Variants in HIP1 observed in about 807,000 individuals in gnomAD.
The protein encoded by HIP1 is huntingtin-interacting protein 1.
Under a neutral mutation model 147.6 loss-of-function variants are expected in HIP1, and 65 were observed. The observed-to-expected ratio is 0.44, with a 90% CI of 0.36 to 0.54. The LOEUF is 0.54. HIP1 is among the 20% of genes least tolerant of loss of function. The probability of loss-of-function intolerance (pLI) is 0.00; values close to 1 mark genes in which losing one functional copy is unlikely to be tolerated. For synonymous variants in HIP1, 479 were observed against 504.0 expected (o/e 0.95, Z 0.67); for missense variants, 1,061 against 1,299.6 (o/e 0.82, Z 2.82).
At chr7:75,727,422 A>T (rs529565056) in intron 1 of HIP1, among the ~76,000 whole-genome samples, 113 of 148,208 alleles carry the variant, frequency 7.6e-4, no homozygotes, top group African/African-American at 2.4e-3. Flanking sequence ...TTTTTTTTTT[A>T]AAGTTTTTTG....
At chr7:75,628,757 G>C (rs1449027715) in intron 1 of HIP1, among the ~76,000 whole-genome samples, 1 of 152,210 alleles carries the variant, frequency 6.6e-6, no homozygotes, top group African/African-American at 2.4e-5. Context: ...GGGATTGCAG[G>C]TATGAGCCAC....
At chr7:75,629,261 C>A (rs1798135615) in intron 1 of HIP1, among the ~76,000 whole-genome samples, 1 of 152,176 alleles carries the variant, frequency 6.6e-6, no homozygotes, top group South Asian at 2.1e-4. Context: ...AATAGCATAT[C>A]CACGTCTGAT....
At chr7:75,729,151 A>C (rs1484994551) in intron 1 of HIP1, among the ~76,000 whole-genome samples, 3 of 144,868 alleles carry the variant, frequency 2.1e-5, no homozygotes, top group Non-Finnish European at 4.5e-5. Context: ...TAAAAATAAG[A>C]AACTAGAACA....
intron 1 of HIP1, among the ~76,000 whole-genome samples, chr7:75,691,466 G>A (rs1800450200): frequency 6.7e-6 from 1 of 149,962 alleles, no homozygotes. Context: ...ACTCCAGCCT[G>A]GGTGACAGAG....
In HIP1 at chr7:75,562,176, G is replaced by A. The variant is rs782264327; in HGVS notation, c.1021-6C>T. 4.4e-6 allele frequency: 7 copies of A among 1,602,046 alleles called. No homozygotes were observed. In the East Asian group the frequency reaches 1.1e-4, roughly 26 times the overall value. On this transcript the variant is annotated splice_polypyrimidine_tract_variant and splice_region_variant and intron_variant, in intron 11 of 30. Coordinates refer to ENST00000336926, the MANE Select transcript of HIP1 (RefSeq NM_005338.7). ...AACTTGTTGTCAAATAAATTCTGTG[G>A]TTGACCAAAAAGGAGTGAGAATAAG...
At chr7:75,628,475 CTTTTTT>C (rs71098044) in intron 1 of HIP1, among the ~76,000 whole-genome samples, 31 of 132,598 alleles carry the variant, frequency 2.3e-4, no homozygotes, top group Admixed American at 3.9e-4. Context: ...TCCTGTACCT[CTTTTTT>C]TTTTTTTTTT....
chr7:75,665,522 A>G (rs1554514527), intron 1 of HIP1, among the ~76,000 whole-genome samples: 1 of 151,078 alleles, frequency 6.6e-6, no homozygotes, highest in East Asian at 1.9e-4. Context: ...TTCTCATACT[A>G]AAGCTTCTCA....
chr7:75,726,465 A>T (rs1554522349), intron 1 of HIP1, among the ~76,000 whole-genome samples: 3 of 151,734 alleles, frequency 2.0e-5, no homozygotes, highest in African/African-American at 7.3e-5. Flanking sequence ...TTGTATTCTT[A>T]ATAGAGACAA....
intron 29 of HIP1, among the ~76,000 whole-genome samples, chr7:75,541,622 G>A (rs1794319854): frequency 6.6e-6 from 1 of 151,772 alleles, no homozygotes; most frequent in South Asian, 2.1e-4. Flanking sequence ...CTTGAACCTG[G>A]GAGGTGGAGA....
intron 1 of HIP1, among the ~76,000 whole-genome samples, chr7:75,647,313 G>A (rs1461204171): frequency 3.4e-5 from 5 of 148,414 alleles, no homozygotes; most frequent in African/African-American, 7.5e-5. Context: ...CAGGAGAATC[G>A]CTTGAACCCA....
chr7:75,669,409 A>C (rs73142966), intron 1 of HIP1, among the ~76,000 whole-genome samples: 19,833 of 151,510 alleles, frequency 0.13, 1,368 homozygotes, highest in East Asian at 0.19. Context: ...AAAACAACAA[A>C]AAAATTAGCT....
intron 1 of HIP1, among the ~76,000 whole-genome samples, chr7:75,677,397 G>A (rs1461984800): frequency 1.3e-5 from 2 of 150,742 alleles, no homozygotes; most frequent in South Asian, 2.1e-4. Flanking sequence ...CCTGAGGTCA[G>A]GAGTTCGAAA....
chr7:75,597,604 G>A (rs587626738), intron 2 of HIP1, among the ~76,000 whole-genome samples: 22 of 152,196 alleles, frequency 1.4e-4, no homozygotes, highest in African/African-American at 4.8e-4. Flanking sequence ...GCTAGGGGTA[G>A]TGATACACAC....
At chr7:75,697,526 T>TC (rs1800678303) in intron 1 of HIP1, among the ~76,000 whole-genome samples, 1 of 152,198 alleles carries the variant, frequency 6.6e-6, no homozygotes, top group African/African-American at 2.4e-5. Flanking sequence ...TCATTCTCAT[T>TC]TATTCTTCCA....
intron 1 of HIP1, among the ~76,000 whole-genome samples, chr7:75,638,499 C>T (rs1798519214): frequency 6.6e-6 from 1 of 152,130 alleles, no homozygotes; most frequent in Non-Finnish European, 1.5e-5. Context: ...CACCTCAGGC[C>T]CACTGAAGCT....
chr7:75,536,273 T>C lies in HIP1; in HGVS notation c.*1899A>G. ...CCAGTATGGAGGTCACACGTCTGAG[T>C]ATGGTCATCCGAGGTCCTGGGAGAG... On this transcript the variant is annotated 3_prime_UTR_variant, in exon 31 of 31. Coordinates refer to ENST00000336926, the MANE Select transcript of HIP1 (RefSeq NM_005338.7). 5.1e-6 allele frequency: 1 copy of C among 196,936 alleles called. No homozygotes were observed. The highest frequency in any genetic ancestry group is 1.0e-5 in the Non-Finnish European group (1 of 98,710). The allele number at this position is 196,936 out of a possible 1,614,324, so 12.2% of individuals were successfully genotyped here.
At chr7:75,684,295 A>C (rs1800185676) in intron 1 of HIP1, among the ~76,000 whole-genome samples, 1 of 151,284 alleles carries the variant, frequency 6.6e-6, no homozygotes, top group African/African-American at 2.4e-5. Context: ...AAAAACACAA[A>C]AAATTAGCCA....
chr7:75,618,117 C>A (rs1201990422), intron 1 of HIP1, among the ~76,000 whole-genome samples: 2 of 152,180 alleles, frequency 1.3e-5, no homozygotes, highest in Admixed American at 6.6e-5. Flanking sequence ...CTCTTCATGC[C>A]CTCTACCACC....
At chr7:75,708,109 T>A (rs1414624863) in intron 1 of HIP1, among the ~76,000 whole-genome samples, 1 of 148,522 alleles carries the variant, frequency 6.7e-6, no homozygotes, top group East Asian at 1.9e-4. Context: ...TGGGATCTAA[T>A]TAAACTAAAG....
Sources: gnomAD v4.1 joint callset for allele counts (sites outside exome capture counted in the v4.1 genomes callset) on GRCh38, gnomAD v4.1.1 for gene constraint, MANE v1.5 for transcripts, NCBI Gene and HGNC (gene_info 2026-07-23, HGNC 2026-07-21) for gene names.